ZFHX3: variants seen among roughly 807,000 people sequenced by gnomAD.
ZFHX3 encodes zinc finger homeobox 3.
Under a neutral mutation model 279.1 loss-of-function variants are expected in ZFHX3, and 42 were observed. The ratio of observed to expected loss-of-function variants is 0.15; its 90% confidence interval spans 0.12 to 0.19. The LOEUF is 0.19. Among genes scored for constraint, ZFHX3 ranks in the 10% least tolerant of loss-of-function variants. The pLI, the probability that ZFHX3 is intolerant of heterozygous loss-of-function variation, is 1.00. For synonymous variants in ZFHX3, 2,293 were observed against 1,957.8 expected (o/e 1.17, Z -4.52); for missense variants, 4,981 against 4,754.0 (o/e 1.05, Z -1.40).
chr16:73,260,923 A>G (rs1176138050), intron 4 of ZFHX3, among the ~76,000 whole-genome samples: 3 of 152,092 alleles, frequency 2.0e-5, no homozygotes, highest in Non-Finnish European at 2.9e-5. Flanking sequence ...ACCTCAGGTG[A>G]TCCACCTGCC....
chr16:73,290,802 ATAGCT>A (rs2014750176), intron 4 of ZFHX3, among the ~76,000 whole-genome samples: 1 of 152,198 alleles, frequency 6.6e-6, no homozygotes, highest in South Asian at 2.1e-4. Flanking sequence ...AAGTTCCCAG[ATAGCT>A]TGGGGGCTTA....
rs2035312772 is a variant in ZFHX3, at chr16:72,785,260, T to G, written c.*1904A>C. On this transcript the variant is annotated 3_prime_UTR_variant, in exon 10 of 10. Coordinates refer to ENST00000268489, the MANE Select transcript of ZFHX3 (RefSeq NM_006885.4). ...TTCTTTTTACATGAGAAAGGGTGTG[T>G]GTTAACAGGAATATGGATATTAACA... The G allele has an allele frequency of 6.6e-6, 1 of 151,936 alleles. No homozygotes were observed. The highest frequency in any genetic ancestry group is 2.4e-5 in the African/African-American group (1 of 41,474). The allele number at this position is 151,936 out of a possible 1,614,324, so 9.4% of individuals were successfully genotyped here. A position where few individuals can be genotyped will look rare whatever the true frequency, so the allele number is the denominator to read the frequency against.
chr16:73,027,191 G>A (rs1435839693), intron 1 of ZFHX3, among the ~76,000 whole-genome samples: 4 of 152,232 alleles, frequency 2.6e-5, no homozygotes, highest in African/African-American at 7.2e-5. Context: ...TGGTTGGCAG[G>A]CCATGCCAAC....
At chr16:73,872,489 C>A (rs2029864797) in intron 1 of ZFHX3, among the ~76,000 whole-genome samples, 1 of 151,950 alleles carries the variant, frequency 6.6e-6, no homozygotes, top group Admixed American at 6.5e-5. Flanking sequence ...CCTGCCTCAG[C>A]CTCCCAAATT....
chr16:73,617,623 AT>A (rs1415786339), intron 2 of ZFHX3, among the ~76,000 whole-genome samples: 1 of 152,236 alleles, frequency 6.6e-6, no homozygotes, highest in Non-Finnish European at 1.5e-5. Context: ...ATGGAAAAAA[AT>A]AAATACAGTC....
At position 72,788,131 on chromosome 16, in the gene ZFHX3, T is replaced by TGCC. The variant is rs1161154125; in HGVS notation, c.10142_10144dup (p.Arg3381dup). ...TTTTTGCTGCTGCTGCTGCTGTAGT[T>TGCC]GCCGCTGCTGCTGCTGCTGAATTGC... On this transcript the variant is annotated inframe_insertion, in exon 10 of 10. Transcript: ENST00000268489. 6.3e-7 allele frequency: 1 copy of TGCC among 1,596,986 alleles called. No individual in the cohort carries two copies. Among genetic ancestry groups the TGCC allele is most frequent in the Non-Finnish European group, 8.6e-7 (1 of 1,168,014 alleles).
At chr16:73,073,013 T>C (rs1219473563) in intron 8 of ZFHX3, among the ~76,000 whole-genome samples, 2 of 151,952 alleles carry the variant, frequency 1.3e-5, no homozygotes, top group Non-Finnish European at 2.9e-5. Flanking sequence ...TCTCCTGCCT[T>C]AGCCTCTCAA....
intron 3 of ZFHX3, among the ~76,000 whole-genome samples, chr16:73,403,467 G>A (rs1473011808): frequency 6.6e-6 from 1 of 152,196 alleles, no homozygotes; most frequent in Non-Finnish European, 1.5e-5. Flanking sequence ...TCTGCGGGCC[G>A]GGTCTGTGTG....
intron 7 of ZFHX3, among the ~76,000 whole-genome samples, chr16:73,112,539 C>G (rs539871932): frequency 1.1e-4 from 16 of 151,354 alleles, no homozygotes; most frequent in African/African-American, 3.4e-4. Flanking sequence ...ATGGTGAAAC[C>G]CTGTCTCTAC....
intron 4 of ZFHX3, among the ~76,000 whole-genome samples, chr16:73,273,727 A>G (rs529271518): frequency 1.3e-5 from 2 of 152,240 alleles, no homozygotes; most frequent in Admixed American, 1.3e-4. Context: ...CTTGCCAGAT[A>G]TTTAATGTCT....
chr16:72,836,598 CG>C (rs2037198688), intron 4 of ZFHX3, among the ~76,000 whole-genome samples: 1 of 151,982 alleles, frequency 6.6e-6, no homozygotes, highest in East Asian at 1.9e-4. Context: ...TGTATGTACA[CG>C]GAAAAGGGAA....
chr16:73,238,295 T>G (rs180918293), intron 5 of ZFHX3, among the ~76,000 whole-genome samples: 85 of 152,264 alleles, frequency 5.6e-4, no homozygotes, highest in African/African-American at 1.9e-3. Flanking sequence ...TGATCATCAA[T>G]TATCATCTCC....
intron 1 of ZFHX3, among the ~76,000 whole-genome samples, chr16:73,725,976 C>A (rs1387531960): frequency 6.6e-6 from 1 of 152,084 alleles, no homozygotes; most frequent in Non-Finnish European, 1.5e-5. Flanking sequence ...TTTCACCATC[C>A]ATTAAATAAA....
chr16:73,203,771 A>G (rs542650809), intron 5 of ZFHX3, among the ~76,000 whole-genome samples: 1 of 152,252 alleles, frequency 6.6e-6, no homozygotes, highest in Non-Finnish European at 1.5e-5. Context: ...TAAGAGACTT[A>G]TGTGTATCAA....
chr16:73,475,184 G>T lies in ZFHX3; in HGVS notation c.-1546-18926C>A, dbSNP rs150809522. On this transcript the variant is annotated intron_variant, in intron 2 of 17. Coordinates refer to the ZFHX3 transcript ENST00000641206. ...CACATTTTTGAGAATAAAAGATAGC[G>T]CTGGGAATAATCAAAATTACGTAAT... is the stretch of plus-strand genomic sequence containing the variant. 6.9e-3 allele frequency among the ~76,000 whole-genome samples: 1,048 copies of T among 152,264 alleles called. 13 individuals are homozygous for T. The highest frequency in any genetic ancestry group is 0.024 in the African/African-American group (981 of 41,548).
chr16:73,282,201 C>G lies in ZFHX3; in HGVS notation c.-1193-25065G>C, dbSNP rs1230583779. Among the ~76,000 whole-genome samples, 3 of 152,136 alleles carry G rather than the reference C, an allele frequency of 2.0e-5. No homozygotes were observed. The East Asian group carries it at 5.8e-4, about 29-fold the overall frequency. On this transcript the variant is annotated intron_variant, in intron 4 of 17. Transcript: ENST00000641206. Reference sequence around the variant, plus strand: ...TCCCAGTCCTAAGTAGCGTTTACCCCCTTTTCCATCAGTAAGCAATGGTTC... The same window carrying G: ...TCCCAGTCCTAAGTAGCGTTTACCCGCTTTTCCATCAGTAAGCAATGGTTC...
intron 1 of ZFHX3, among the ~76,000 whole-genome samples, chr16:73,037,002 G>C (rs900341443): frequency 1.2e-4 from 18 of 152,002 alleles, no homozygotes; most frequent in African/African-American, 4.3e-4. Flanking sequence ...CAGAAGAACT[G>C]CCCATTTCAT....
At chr16:73,194,089 C>G (rs971083952) in intron 5 of ZFHX3, among the ~76,000 whole-genome samples, 1 of 152,150 alleles carries the variant, frequency 6.6e-6, no homozygotes, top group African/African-American at 2.4e-5. Flanking sequence ...AACATATGCC[C>G]CTAAACTTCA....
intron 4 of ZFHX3, among the ~76,000 whole-genome samples, chr16:72,840,605 G>C (rs947171155): frequency 3.3e-5 from 5 of 152,214 alleles, no homozygotes; most frequent in African/African-American, 9.6e-5. Flanking sequence ...CCAGAGGTCT[G>C]AGTCACATGA....
Sources: allele counts gnomAD v4.1 joint callset (sites outside exome capture counted in the v4.1 genomes callset), GRCh38; gene constraint gnomAD v4.1.1; transcripts MANE v1.5; gene names NCBI Gene and HGNC (gene_info 2026-07-23, HGNC 2026-07-21).